Variants in RIPK2 observed in about 807,000 individuals in gnomAD.
The protein encoded by RIPK2 is receptor interacting serine/threonine kinase 2, also known as receptor-interacting serine/threonine-protein kinase 2.
In RIPK2, 38 loss-of-function variants were observed where a neutral mutation model predicts 60.9. The ratio of observed to expected loss-of-function variants is 0.62; its 90% CI spans 0.48 to 0.82. The LOEUF is 0.82. Ranked by LOEUF, RIPK2 falls within the 40% of genes least tolerant of loss-of-function variation. The probability of loss-of-function intolerance (pLI) is 0.00; values close to 1 mark genes in which losing one functional copy is unlikely to be tolerated. For missense variants in RIPK2, 518 were observed against 647.0 expected (o/e 0.80, Z 2.16); for synonymous variants, 225 against 223.4 (o/e 1.01, Z -0.06).
intron 6 of RIPK2, among the ~76,000 whole-genome samples, chr8:89,775,789 G>A (rs772752891): frequency 7.9e-5 from 12 of 152,146 alleles, no homozygotes; most frequent in Non-Finnish European, 1.3e-4. Flanking sequence ...TAGTATGAGA[G>A]CAGATGATCA....
chr8:89,781,983 AC>A (rs890417692), intron 7 of RIPK2, among the ~76,000 whole-genome samples: 5 of 152,160 alleles, frequency 3.3e-5, no homozygotes, highest in African/African-American at 1.2e-4. Context: ...TGGCAAAAAA[AC>A]ATAACAAAAC....
intron 6 of RIPK2, 23 bp from the exon 7 acceptor site, chr8:89,780,052 C>G (rs1369870376): frequency 2.5e-6 from 3 of 1,185,718 alleles, no homozygotes; most frequent in Admixed American, 2.1e-5. Flanking sequence ...TGAACTCAAC[C>G]TGTATTTTTT....
chr8:89,785,657 A>G (rs1469165134), intron 8 of RIPK2, among the ~76,000 whole-genome samples: 1 of 152,224 alleles, frequency 6.6e-6, no homozygotes, highest in African/African-American at 2.4e-5. Flanking sequence ...AGCATTTCAG[A>G]TAAGGGATAT....
At chr8:89,760,151 T>C (rs1170170547) in intron 1 of RIPK2, among the ~76,000 whole-genome samples, 1 of 152,210 alleles carries the variant, frequency 6.6e-6, no homozygotes, top group Non-Finnish European at 1.5e-5. Flanking sequence ...TCCTCACTTA[T>C]AAAATACGAA....
chr8:89,785,760 C>T (rs562347916), intron 8 of RIPK2, among the ~76,000 whole-genome samples: 1 of 152,218 alleles, frequency 6.6e-6, no homozygotes, highest in South Asian at 2.1e-4. Flanking sequence ...TCTTTGAGGC[C>T]ATTCATGCAT....
intron 9 of RIPK2, among the ~76,000 whole-genome samples, chr8:89,788,348 A>T (rs937778595): frequency 3.0e-5 from 4 of 132,340 alleles, no homozygotes; most frequent in African/African-American, 7.4e-5. Context: ...ATCTCAATTA[A>T]AAAAAAAAAA....
chr8:89,771,834 G>T (rs761619058), intron 5 of RIPK2, 44 bp downstream of exon 5: 1 of 1,193,618 alleles, frequency 8.4e-7, no homozygotes, highest in South Asian at 1.2e-5. Context: ...CATCATGTTA[G>T]TAGGTCACTC....
intron 9 of RIPK2, among the ~76,000 whole-genome samples, chr8:89,788,254 A>T (rs1017446541): frequency 1.5e-4 from 23 of 151,952 alleles, no homozygotes; most frequent in Non-Finnish European, 2.9e-4. Context: ...GAGGCACAAG[A>T]ATCACTTGAA....
At chr8:89,759,528 C>T (rs908889605) in intron 1 of RIPK2, 17 of 404,632 alleles carry the variant, frequency 4.2e-5, no homozygotes, top group African/African-American at 2.7e-4. Context: ...GGCTTTTCTT[C>T]ATTGTCTCTC....
intron 2 of RIPK2, among the ~76,000 whole-genome samples, chr8:89,763,963 C>T (rs763851954): frequency 6.6e-6 from 1 of 152,166 alleles, no homozygotes; most frequent in Admixed American, 6.6e-5. Flanking sequence ...TTCCCACACC[C>T]CAGCAGATAC....
chr8:89,772,924 A>G, intron 6 of RIPK2, 96 bp downstream of exon 6: 1 of 739,174 alleles, frequency 1.4e-6, no homozygotes, highest in Non-Finnish European at 2.0e-6. Flanking sequence ...AAATTAGATG[A>G]CTAGCTAGAA....
chr8:89,762,187 A>T (rs1482458798), intron 1 of RIPK2, among the ~76,000 whole-genome samples: 1 of 152,142 alleles, frequency 6.6e-6, no homozygotes, highest in Non-Finnish European at 1.5e-5. Flanking sequence ...AATAGAAAAA[A>T]AAATAGTTAA....
rs201181884 is a variant in RIPK2, at chr8:89,790,201, A to C, written c.1408A>C (p.Met470Leu). The C allele has an allele frequency of 6.2e-7, 1 of 1,614,160 alleles. No individual in the cohort carries two copies. The highest frequency in any genetic ancestry group is 1.1e-5 in the South Asian group (1 of 91,084). Reference sequence around the variant, plus strand: ...TGCCCTTCTGTCCAGGGACTTGATCATGAAAGAGGACTATGAACTTGTTAG... The same window carrying C: ...TGCCCTTCTGTCCAGGGACTTGATCCTGAAAGAGGACTATGAACTTGTTAG... ...LDALLSRDLI[M>L]KEDYELVSTK... Residue 470 changes from methionine to leucine, a missense_variant, in exon 11 of 11, where the codon ATG (methionine) becomes CTG (leucine). Met to Leu is a conservative substitution (Grantham distance 15). Around this residue, in one of 3 missense-constraint regions of RIPK2, gnomAD observed 29 missense variants for 68.6 expected, o/e 0.42. Transcript: ENST00000220751.
At chr8:89,785,213 G>A (rs1261732135) in intron 8 of RIPK2, among the ~76,000 whole-genome samples, 1 of 152,190 alleles carries the variant, frequency 6.6e-6, no homozygotes, top group East Asian at 1.9e-4. Context: ...GATGGCTCAA[G>A]TCTGTGATCC....
At chr8:89,788,812 GAGGGAGGGAGGC>G (rs1409825478) in intron 9 of RIPK2, among the ~76,000 whole-genome samples, 1 of 151,774 alleles carries the variant, frequency 6.6e-6, no homozygotes, top group Admixed American at 6.6e-5. Flanking sequence ...GAGAGAGAGG[GAGGGAGGGAGGC>G]AGGGAGGGAG....
At chr8:89,774,881 T>C (rs1293351500) in intron 6 of RIPK2, among the ~76,000 whole-genome samples, 1 of 152,134 alleles carries the variant, frequency 6.6e-6, no homozygotes, top group Admixed American at 6.5e-5. Context: ...AGTCCTTGTG[T>C]CTTGGAAGTC....
intron 8 of RIPK2, among the ~76,000 whole-genome samples, chr8:89,785,213 G>C (rs1261732135): frequency 6.6e-6 from 1 of 152,190 alleles, no homozygotes; most frequent in African/African-American, 2.4e-5. Context: ...GATGGCTCAA[G>C]TCTGTGATCC....
At chr8:89,781,083 A>G (rs1809491304) in intron 7 of RIPK2, among the ~76,000 whole-genome samples, 1 of 151,828 alleles carries the variant, frequency 6.6e-6, no homozygotes, top group South Asian at 2.1e-4. Context: ...TGTACTTAAT[A>G]TATGATATAA....
At chr8:89,784,986 T>A (rs948211210) in intron 8 of RIPK2, among the ~76,000 whole-genome samples, 1 of 151,978 alleles carries the variant, frequency 6.6e-6, no homozygotes, top group Non-Finnish European at 1.5e-5. Flanking sequence ...CTCTCAGGAA[T>A]CCACTCACCA....
Sources: gnomAD v4.1 joint callset for allele counts (sites outside exome capture counted in the v4.1 genomes callset) on GRCh38, gnomAD v4.1.1 for gene constraint, gnomAD v4.1.1 regional missense constraint, MANE v1.5 for transcripts, NCBI Gene and HGNC (gene_info 2026-07-23, HGNC 2026-07-21) for gene names.